The following AKAP13 variants were observed in gnomAD, a reference collection of about 807,000 sequenced individuals.
The protein encoded by AKAP13 is A-kinase anchor protein 13.
A neutral mutation model predicts 264.5 loss-of-function variants in AKAP13; 80 were observed. The ratio of observed to expected loss-of-function variants is 0.30; its 90% CI spans 0.25 to 0.36. The LOEUF (loss-of-function observed/expected upper bound fraction) is 0.36. Among genes scored for constraint, AKAP13 ranks in the 10% least tolerant of loss-of-function variants. The pLI is 1.00. For synonymous variants in AKAP13, 1,380 were observed against 1,250.2 expected, an observed-to-expected ratio of 1.10 and a Z score of -2.19; for missense variants, 3,712 against 3,435.2, an observed-to-expected ratio of 1.08 and a Z score of -2.01.
intron 1 of AKAP13, among the ~76,000 whole-genome samples, chr15:85,386,550 A>G (rs577995121): frequency 1.3e-5 from 2 of 152,228 alleles, no homozygotes; most frequent in East Asian, 3.9e-4. Context: ...CAGCCTCCCA[A>G]AGTGCTGGGA....
chr15:85,465,325 A>G (rs2074689222), intron 1 of AKAP13, among the ~76,000 whole-genome samples: 1 of 152,086 alleles, frequency 6.6e-6, no homozygotes, highest in South Asian at 2.1e-4. Flanking sequence ...AAAGGCAAAT[A>G]TTTGGATCTT....
chr15:85,620,233 C>T (rs972992749), intron 8 of AKAP13: 13 of 1,484,996 alleles, frequency 8.8e-6, no homozygotes, highest in South Asian at 1.2e-5. Context: ...CGCTTTGAAC[C>T]CGGTAGCCAT....
intron 1 of AKAP13, among the ~76,000 whole-genome samples, chr15:85,440,081 G>A (rs2073567013): frequency 6.6e-6 from 1 of 152,180 alleles, no homozygotes; most frequent in South Asian, 2.1e-4. Flanking sequence ...AAAGCTTTCA[G>A]TGTTGGCAGT....
intron 14 of AKAP13, among the ~76,000 whole-genome samples, chr15:85,674,357 C>T (rs183270296): frequency 5.3e-5 from 8 of 152,280 alleles, no homozygotes; most frequent in Middle Eastern, 3.4e-3. Flanking sequence ...TGTGTATAAG[C>T]TGTATATGAA....
chr15:85,577,290 G>A (rs2151302223), intron 6 of AKAP13, among the ~76,000 whole-genome samples: 1 of 151,590 alleles, frequency 6.6e-6, no homozygotes, highest in East Asian at 1.9e-4. Flanking sequence ...ATGGATGGCA[G>A]TAGGTATGCA....
intron 5 of AKAP13, among the ~76,000 whole-genome samples, chr15:85,544,468 T>C (rs1437839051): frequency 1.3e-5 from 2 of 152,304 alleles, no homozygotes; most frequent in East Asian, 3.9e-4. Context: ...TTGAGAGCAG[T>C]GGTTTCTTCA....
intron 13 of AKAP13, among the ~76,000 whole-genome samples, chr15:85,665,067 G>T (rs1261892890): frequency 6.6e-6 from 1 of 152,088 alleles, no homozygotes; most frequent in African/African-American, 2.4e-5. Flanking sequence ...GCTGGACATG[G>T]TGGTTTGTGC....
At chr15:85,415,236 GTT>G in intron 1 of AKAP13, 1 of 1,559,074 alleles carries the variant, frequency 6.4e-7, no homozygotes, top group Non-Finnish European at 8.7e-7. Flanking sequence ...CATGGCCACA[GTT>G]CAGCAGCTGG....
At chr15:85,644,900 A>C (rs2082484398) in intron 9 of AKAP13, among the ~76,000 whole-genome samples, 1 of 152,142 alleles carries the variant, frequency 6.6e-6, no homozygotes, top group African/African-American at 2.4e-5. Flanking sequence ...GTTGGTACCC[A>C]GTCACATGTC....
intron 10 of AKAP13, among the ~76,000 whole-genome samples, chr15:85,652,756 GCTTGT>G (rs1465227113): frequency 6.6e-6 from 1 of 152,150 alleles, no homozygotes; most frequent in Non-Finnish European, 1.5e-5. Context: ...AGTCTCTGGT[GCTTGT>G]TCAGTCCTTG....
chr15:85,713,237 A>G (rs2086725774), intron 19 of AKAP13, among the ~76,000 whole-genome samples: 1 of 152,138 alleles, frequency 6.6e-6, no homozygotes, highest in Admixed American at 6.5e-5. Flanking sequence ...GATACAAGTT[A>G]TTATGAGCTC....
Position 85,601,836 on chromosome 15 carries a change from TTAC to T in AKAP13, c.4161+16017_4161+16019del, listed in dbSNP as rs562065759. Among the ~76,000 whole-genome samples the T allele has an allele frequency of 5.1e-4, 75 of 147,894 alleles. 1 individual carries two copies. Among genetic ancestry groups the T allele is most frequent in the South Asian group, 2.6e-3 (12 of 4,704 alleles). On this transcript the variant is annotated intron_variant, in intron 8 of 36. Coordinates refer to ENST00000394518, the MANE Select transcript of AKAP13 (RefSeq NM_007200.5). Reference sequence around the variant, plus strand: ...ATTTAAAAAATGTTTATTAATTCATTTACTACAATAAACTAATCATTATTAAAA... The same window carrying T: ...ATTTAAAAAATGTTTATTAATTCATTTACAATAAACTAATCATTATTAAAA...
intron 8 of AKAP13, among the ~76,000 whole-genome samples, chr15:85,587,479 A>G (rs1025358682): frequency 3.9e-5 from 6 of 152,200 alleles, no homozygotes; most frequent in African/African-American, 1.4e-4. Flanking sequence ...GGCTACTGTG[A>G]ATAATGCTGT....
rs568102019 is a variant in AKAP13 at position 85,581,089 on chromosome 15, G to A, written c.3021G>A (p.Leu1007=). The A allele has an allele frequency of 5.0e-6, 8 of 1,614,040 alleles. No individual in the cohort carries two copies. The Admixed American group carries it at 1.2e-4, about 24-fold the overall frequency. The change falls in exon 7 of 37, where the codon CTG becomes CTA. Residue 1007 remains leucine, a synonymous_variant. Transcript: ENST00000394518. ...HNKEVAPQVS[L]LTQGGAAQSL... ...AGGAAGTGGCCCCACAAGTCTCACT[G>A]CTGACTCAAGGTGGGGCTGCCCAGA...
At chr15:85,594,014 G>A (rs1195833074) in intron 8 of AKAP13, among the ~76,000 whole-genome samples, 1 of 152,148 alleles carries the variant, frequency 6.6e-6, no homozygotes, top group Non-Finnish European at 1.5e-5. Context: ...GGAAATTCTA[G>A]CCTATAATAG....
rs369617568 is a variant in AKAP13, at chr15:85,735,077, C to G, written c.7368C>G (p.Val2456=). 4 of 1,614,198 alleles carry G rather than the reference C, an allele frequency of 2.5e-6. No individual in the cohort carries two copies. Among genetic ancestry groups the G allele is most frequent in the Non-Finnish European group, 3.4e-6 (4 of 1,180,036 alleles). ...GCAGCCCCATTGAGCAAGATGTGGTCGGTCCCGTTTCCCTGCCCCGGAGAG... is the reference window on the plus strand; with the variant it reads ...GCAGCCCCATTGAGCAAGATGTGGTGGGTCCCGTTTCCCTGCCCCGGAGAG... The part of the protein sequence containing the change: ...TVSSPIEQDV[V]GPVSLPRRAE... Residue 2456 remains valine, a synonymous_variant, in exon 31 of 37, where the codon GTC becomes GTG. Transcript: ENST00000394518.
chr15:85,714,902 GC>G (rs2086836587), intron 19 of AKAP13, among the ~76,000 whole-genome samples: 1 of 152,156 alleles, frequency 6.6e-6, no homozygotes, highest in Admixed American at 6.5e-5. Context: ...AGGAGGCGGA[GC>G]TTGCAGTGAG....
At chr15:85,682,293 CTAAGT>C in intron 15 of AKAP13, 81 bp downstream of exon 15, 1 of 1,391,376 alleles carries the variant, frequency 7.2e-7, no homozygotes, top group Admixed American at 1.9e-5. Flanking sequence ...ATTACGTAAA[CTAAGT>C]TAATTGAGCT....
At chr15:85,673,005 C>T (rs1281733001) in intron 14 of AKAP13, among the ~76,000 whole-genome samples, 2 of 152,184 alleles carry the variant, frequency 1.3e-5, no homozygotes, top group Non-Finnish European at 2.9e-5. Flanking sequence ...TCACTGCTTT[C>T]CAGCTTTTAC....
Sources: allele counts gnomAD v4.1 joint callset (sites outside exome capture counted in the v4.1 genomes callset), GRCh38; gene constraint gnomAD v4.1.1; transcripts MANE v1.5; gene names NCBI Gene and HGNC (gene_info 2026-07-23, HGNC 2026-07-21).